The following DCT variants were observed in gnomAD, a reference collection of about 807,000 sequenced individuals.
DCT encodes dopachrome tautomerase.
Under a neutral mutation model 53.0 loss-of-function variants are expected in DCT, and 47 were observed. The ratio of observed to expected loss-of-function variants is 0.89; its 90% confidence interval spans 0.70 to 1.13. The LOEUF (loss-of-function observed/expected upper bound fraction) is 1.13. DCT is among the 50% of genes most tolerant of loss of function. DCT has a pLI of 0.00. For synonymous variants in DCT, 244 were observed against 237.0 expected (o/e 1.03, Z -0.27); for missense variants, 669 against 637.4 (o/e 1.05, Z -0.53).
Position 94,462,044 on chromosome 13 carries a change from G to A in DCT, c.1009C>T (p.Pro337Ser). ...AAGGTAGAGTTCTGGAAGAAGGGAGGATTGTCAAACTTCTGGAGAGACAGG... is the reference window on the plus strand; with the variant it reads ...AAGGTAGAGTTCTGGAAGAAGGGAGAATTGTCAAACTTCTGGAGAGACAGG... ...DCLSLQKFDN[P>S]PFFQNSTFSF... The change falls in exon 5 of 8, where the codon CCT becomes TCT. Residue 337 changes from proline (P) to serine (S), a missense_variant. Transcript: ENST00000377028. 6.2e-7 allele frequency: 1 copy of A among 1,613,270 alleles called. No individual in the cohort carries two copies. Among genetic ancestry groups the A allele is most frequent in the East Asian group, 2.2e-5 (1 of 44,850 alleles).
At chr13:94,457,690 CT>C (rs1277716886) in intron 6 of DCT, among the ~76,000 whole-genome samples, 1 of 152,180 alleles carries the variant, frequency 6.6e-6, no homozygotes, top group Non-Finnish European at 1.5e-5. Flanking sequence ...GGTGAAATTT[CT>C]TCTTGTAATT....
intron 4 of DCT, among the ~76,000 whole-genome samples, chr13:94,462,724 TA>T (rs1883896988): frequency 6.6e-6 from 1 of 152,142 alleles, no homozygotes; most frequent in African/African-American, 2.4e-5. Flanking sequence ...GACATGGGCA[TA>T]AATATGAATA....
At chr13:94,497,965 C>G in the DCT span, among the ~76,000 whole-genome samples, 1 of 152,196 alleles carries the variant, frequency 6.6e-6, no homozygotes, top group Non-Finnish European at 1.5e-5. Flanking sequence ...CTGCTCTGCA[C>G]TTTTCAGTGG....
At chr13:94,528,167 T>C in the DCT span, among the ~76,000 whole-genome samples, 48 of 152,232 alleles carry the variant, frequency 3.2e-4, no homozygotes, top group African/African-American at 1.1e-3. Flanking sequence ...ATTTGATTGG[T>C]GTACCAAAAA....
At chr13:94,487,166 T>C in the DCT span, among the ~76,000 whole-genome samples, 7 of 152,198 alleles carry the variant, frequency 4.6e-5, no homozygotes, top group Admixed American at 3.9e-4. Flanking sequence ...CATGGGTGTA[T>C]TGAGACCATT....
intron 5 of DCT, among the ~76,000 whole-genome samples, chr13:94,461,077 T>G (rs925988891): frequency 3.3e-5 from 5 of 152,194 alleles, no homozygotes; most frequent in East Asian, 1.9e-4. Flanking sequence ...CATTTAAGGT[T>G]GTTTTGAAAA....
At position 94,479,398 on chromosome 13, in the gene DCT, A is replaced by C. The variant is rs1325520897; in HGVS notation, c.-143T>G. ...TTTCTATTCCTTTCTTCTTAAAAAA[A>C]TACCCACAAGAATCACAGAGGTTAC... On this transcript the variant is annotated 5_prime_UTR_variant, in exon 1 of 8. Coordinates refer to ENST00000377028, the MANE Select transcript of DCT (RefSeq NM_001922.5). 6 of 800,718 alleles carry C rather than the reference A, an allele frequency of 7.5e-6. No homozygotes were observed. The highest frequency in any genetic ancestry group is 6.1e-5 in the Admixed American group (2 of 32,714). 49.6% of individuals were successfully genotyped at this position (800,718 alleles called of 1,614,324 possible).
At chr13:94,474,379 T>C (rs1884945572) in intron 1 of DCT, among the ~76,000 whole-genome samples, 1 of 152,212 alleles carries the variant, frequency 6.6e-6, no homozygotes, top group Non-Finnish European at 1.5e-5. Context: ...TACAAGGAAC[T>C]CTAAATAGCC....
At chr13:94,492,446 C>G in the DCT span, among the ~76,000 whole-genome samples, 1 of 152,212 alleles carries the variant, frequency 6.6e-6, no homozygotes, top group Admixed American at 6.5e-5. Flanking sequence ...TTGGACACCT[C>G]TTTGTGTTCC....
At chr13:94,530,255 A>G in the DCT span, among the ~76,000 whole-genome samples, 1 of 152,244 alleles carries the variant, frequency 6.6e-6, no homozygotes, top group Admixed American at 6.5e-5. Context: ...TTCAATCAAT[A>G]GAAAAAGAGG....
At chr13:94,548,300 G>A in the DCT span, among the ~76,000 whole-genome samples, 3 of 151,972 alleles carry the variant, frequency 2.0e-5, no homozygotes, top group Admixed American at 1.3e-4. Flanking sequence ...GTAGTGGGAG[G>A]TTAGGAATTA....
chr13:94,511,374 T>C, the DCT span, among the ~76,000 whole-genome samples: 10 of 151,616 alleles, frequency 6.6e-5, no homozygotes, highest in Non-Finnish European at 1.3e-4. Flanking sequence ...TTTTTTTTTT[T>C]TTTGAGATGG....
the DCT span, among the ~76,000 whole-genome samples, chr13:94,485,572 A>G: frequency 6.6e-6 from 1 of 152,210 alleles, no homozygotes; most frequent in Non-Finnish European, 1.5e-5. Flanking sequence ...AGCACTTTCA[A>G]AATAACTGTT....
At chr13:94,514,658 G>A in the DCT span, among the ~76,000 whole-genome samples, 1 of 152,210 alleles carries the variant, frequency 6.6e-6, no homozygotes, top group African/African-American at 2.4e-5. Context: ...AAGAAAGGCA[G>A]GGATGTGAGA....
At position 94,462,068 on chromosome 13, in the gene DCT, G is replaced by A. The variant is rs142117845; in HGVS notation, c.985C>T (p.Leu329=). ...GGATTGTCAAACTTCTGGAGAGACA[G>A]GCAATCTCGTATGTCTTTTAAGGTT... The part of the protein sequence containing the change: ...LPTLKDIRDC[L]SLQKFDNPPF... Residue 329 remains leucine (L), a synonymous_variant, in exon 5 of 8, where the codon CTG becomes TTG. Transcript: ENST00000377028. The A allele has an allele frequency of 1.1e-4, 174 of 1,613,160 alleles. 2 individuals carry two copies. The South Asian group carries it at 1.6e-3, about 15-fold the overall frequency.
the DCT span, among the ~76,000 whole-genome samples, chr13:94,531,465 G>A: frequency 1.8e-4 from 27 of 152,106 alleles, no homozygotes; most frequent in African/African-American, 3.6e-4. Flanking sequence ...GGAACAGAAC[G>A]GAGGCCTCAG....
At chr13:94,455,572 A>G (rs1260153490) in intron 6 of DCT, among the ~76,000 whole-genome samples, 2 of 152,196 alleles carry the variant, frequency 1.3e-5, no homozygotes, top group African/African-American at 4.8e-5. Flanking sequence ...TGCATGATCT[A>G]TGGCTGATTT....
In DCT at chr13:94,437,342, A is replaced by C. The variant is rs1881963361; in HGVS notation, c.*2556T>G. The C allele has an allele frequency of 6.6e-6, 1 of 152,024 alleles. No homozygotes were observed. Among genetic ancestry groups the C allele is most frequent in the African/African-American group, 2.4e-5 (1 of 41,294 alleles). The allele number at this position is 152,024 out of a possible 1,614,324, so 9.4% of individuals were successfully genotyped here. On this transcript the variant is annotated 3_prime_UTR_variant, in exon 8 of 8. Coordinates refer to ENST00000377028, the MANE Select transcript of DCT (RefSeq NM_001922.5). ...AACATTTATTTTTAGTTTCCTTTTT[A>C]GTAAGTTTTCTACTTCTTAATAATG... is the stretch of plus-strand genomic sequence containing the variant.
chr13:94,470,913 C>T (rs1884605066), intron 1 of DCT, among the ~76,000 whole-genome samples: 1 of 152,212 alleles, frequency 6.6e-6, no homozygotes, highest in Admixed American at 6.5e-5. Context: ...ACTGCCTAGG[C>T]CTGTGCTTAG....
Sources: allele counts gnomAD v4.1 joint callset (sites outside exome capture counted in the v4.1 genomes callset), GRCh38; gene constraint gnomAD v4.1.1; transcripts MANE v1.5; gene names NCBI Gene and HGNC (gene_info 2026-07-23, HGNC 2026-07-21).